Variants in CECR2 observed in about 807,000 individuals in gnomAD.
CECR2 encodes CECR2 histone acetyl-lysine reader, also known as chromatin remodeling regulator CECR2.
CECR2 carries 30 observed loss-of-function variants against 154.5 expected under a neutral mutation model. The ratio of observed to expected loss-of-function variants is 0.19; its 90% CI spans 0.15 to 0.26. The LOEUF (loss-of-function observed/expected upper bound fraction) is 0.26, where lower values mean the gene tolerates loss of function less well. Ranked by LOEUF, CECR2 falls within the 10% of genes least tolerant of loss-of-function variation. The pLI is 1.00. For missense variants in CECR2, 1,743 were observed against 1,829.3 expected, an observed-to-expected ratio of 0.95 and a Z score of 0.86; for synonymous variants, 725 against 683.7, an observed-to-expected ratio of 1.06 and a Z score of -0.94.
rs756767133 is a variant in CECR2, at chr22:17,548,544, C to G, written c.3257C>G (p.Thr1086Arg). The change falls in exon 17 of 19, where the codon ACG becomes AGG. Residue 1086 changes from threonine to arginine, a missense_variant. Physicochemically the swap from Thr to Arg is moderately conservative, Grantham distance 71. This residue lies in a region of CECR2 where 1,250 missense variants were observed against 1,192.1 expected (regional missense o/e 1.05). Coordinates refer to ENST00000262608, the MANE Select transcript of CECR2 (RefSeq NM_001290047.2). ...AAGCTGCTCTGCCCCAGAGGCAGAACGTTGCAGGAAACCATGCCATGCACG... is the reference window on the plus strand; with the variant it reads ...AAGCTGCTCTGCCCCAGAGGCAGAAGGTTGCAGGAAACCATGCCATGCACG... Reference protein sequence around the residue: ...SEKLLCPRGRTLQETMPCTGQ... With the variant: ...SEKLLCPRGRRLQETMPCTGQ... 4 of 1,613,640 alleles carry G rather than the reference C, an allele frequency of 2.5e-6. No homozygotes were observed. The African/African-American group carries it at 4.0e-5, about 16-fold the overall frequency.
In CECR2 at chr22:17,511,894, G is replaced by C; in HGVS notation, c.952G>C (p.Glu318Gln). The C allele has an allele frequency of 6.2e-7, 1 of 1,611,408 alleles. No individual in the cohort carries two copies. The highest frequency in any genetic ancestry group is 8.5e-7 in the Non-Finnish European group (1 of 1,178,272). The change falls in exon 8 of 19, where the codon GAG becomes CAG. Residue 318 changes from glutamate to glutamine, a missense_variant and splice_region_variant. Coordinates refer to ENST00000262608, the MANE Select transcript of CECR2 (RefSeq NM_001290047.2). ...DHLSIKPVKQ[E>Q]ETPVLTRIEK... ...CCTGTCCATCAAACCCGTCAAGCAAGAGGTGAGTGTGGGTGAGAGTAGCGA... is the reference window on the plus strand; with the variant it reads ...CCTGTCCATCAAACCCGTCAAGCAACAGGTGAGTGTGGGTGAGAGTAGCGA...
rs187346127 is a variant in CECR2 at position 17,536,621 on chromosome 22, C to T, written c.1109-482C>T. Among the ~76,000 whole-genome samples the T allele has an allele frequency of 5.9e-5, 9 of 152,286 alleles. No homozygotes were observed. In the East Asian group the frequency reaches 1.2e-3, roughly 20 times the overall value. On this transcript the variant is annotated intron_variant, in intron 9 of 18. Transcript: ENST00000262608. ...CATGGATGCCTTCATAAACGCAGAA[C>T]GGCAAGAGCTGGGACGTGCGTTTAA... is the stretch of plus-strand genomic sequence containing the variant.
At chr22:17,448,699 G>A (rs752342532) in intron 1 of CECR2, among the ~76,000 whole-genome samples, 2 of 151,970 alleles carry the variant, frequency 1.3e-5, no homozygotes, top group African/African-American at 4.8e-5. Flanking sequence ...TTAAGTCTAC[G>A]GTCTTTTGTG....
rs568949015 is a variant in CECR2 at position 17,487,515 on chromosome 22, C to T, written c.221+9833C>T. Among the ~76,000 whole-genome samples, 109 of 152,172 alleles carry T rather than the reference C, an allele frequency of 7.2e-4. 1 individual carries two copies. The highest frequency in any genetic ancestry group is 2.6e-3 in the African/African-American group (107 of 41,510). Reference sequence around the variant, plus strand: ...GAGATAGAGACCATCCTGGCTAACGCGGTGAAACCCCGTCTGTACTTAAAA... The same window carrying T: ...GAGATAGAGACCATCCTGGCTAACGTGGTGAAACCCCGTCTGTACTTAAAA... On this transcript the variant is annotated intron_variant, in intron 2 of 18. Coordinates refer to ENST00000262608, the MANE Select transcript of CECR2 (RefSeq NM_001290047.2).
intron 8 of CECR2, 26 bp from the exon 9 acceptor site, chr22:17,524,092 C>T (rs1388563711): frequency 1.2e-5 from 19 of 1,542,484 alleles, no homozygotes; most frequent in Admixed American, 9.6e-5. Context: ...GTGTACTGAC[C>T]GGATGTGCTC....
At chr22:17,452,886 C>T (rs1312249714) in intron 1 of CECR2, among the ~76,000 whole-genome samples, 1 of 152,108 alleles carries the variant, frequency 6.6e-6, no homozygotes, top group African/African-American at 2.4e-5. Flanking sequence ...ACATCTTACA[C>T]ACTTTTTAAA....
intron 1 of CECR2, among the ~76,000 whole-genome samples, chr22:17,432,590 T>C (rs1230280467): frequency 2.0e-5 from 3 of 152,208 alleles, no homozygotes; most frequent in Admixed American, 6.5e-5. Flanking sequence ...TCACCAGCAG[T>C]GTATGAGGAT....
At chr22:17,539,447 G>A (rs765046824) in intron 13 of CECR2, among the ~76,000 whole-genome samples, 6 of 152,118 alleles carry the variant, frequency 3.9e-5, no homozygotes, top group East Asian at 1.9e-4. Flanking sequence ...GGAAGCTGGC[G>A]TAGTAGATCT....
intron 2 of CECR2, among the ~76,000 whole-genome samples, chr22:17,480,279 A>G (rs2055284379): frequency 6.6e-6 from 1 of 152,170 alleles, no homozygotes; most frequent in Non-Finnish European, 1.5e-5. Flanking sequence ...TTAAAACCAC[A>G]AAAAGTGTAA....
rs548735636 is a variant in CECR2, at chr22:17,375,965, A to C, written c.126+6056A>C. Among the ~76,000 whole-genome samples the C allele has an allele frequency of 5.0e-3, 764 of 151,882 alleles. 11 individuals carry two copies. The highest frequency in any genetic ancestry group is 0.03 in the Admixed American group (460 of 15,258). On this transcript the variant is annotated intron_variant, in intron 1 of 18. Coordinates refer to ENST00000262608, the MANE Select transcript of CECR2 (RefSeq NM_001290047.2). ...GCGAGAGGGAGACTCTTATCTAAAA[A>C]AAAAAAAAAATAGTCCTTTGTCACA...
At chr22:17,510,994 T>G (rs2055939854) in intron 7 of CECR2, among the ~76,000 whole-genome samples, 1 of 152,206 alleles carries the variant, frequency 6.6e-6, no homozygotes, top group Admixed American at 6.5e-5. Context: ...CCACCCCTTC[T>G]TGTCATTTTC....
intron 1 of CECR2, among the ~76,000 whole-genome samples, chr22:17,381,879 C>T (rs1043398534): frequency 9.1e-5 from 13 of 143,372 alleles, no homozygotes; most frequent in African/African-American, 3.1e-4. Flanking sequence ...TCAGAGAGCC[C>T]CCACATTTTT....
intron 1 of CECR2, among the ~76,000 whole-genome samples, chr22:17,451,914 A>G (rs965820832): frequency 1.2e-4 from 19 of 152,184 alleles, no homozygotes; most frequent in Non-Finnish European, 1.2e-4. Flanking sequence ...TTTTAGCTTG[A>G]CAAAACAAAC....
Position 17,542,387 on chromosome 22 carries a change from T to C in CECR2, c.2244T>C (p.Phe748=), listed in dbSNP as rs543900264. 1.2e-4 allele frequency: 198 copies of C among 1,613,808 alleles called. 1 individual carries two copies. In the East Asian group the frequency reaches 3.9e-3, roughly 32 times the overall value. Residue 748 remains phenylalanine (F), a synonymous_variant, in exon 16 of 19, where the codon TTT becomes TTC. Transcript: ENST00000262608. ...HGGAPARPPD[F]PESSEIPPSH... is the part of the protein sequence containing the mutation. ...GGGCTCCAGCCCGGCCACCAGACTT[T>C]CCTGAAAGCTCAGAAATTCCTCCCA...
At chr22:17,546,839 G>T (rs2056621705) in intron 16 of CECR2, among the ~76,000 whole-genome samples, 1 of 151,926 alleles carries the variant, frequency 6.6e-6, no homozygotes, top group African/African-American at 2.4e-5. Flanking sequence ...GGGAGTTTGA[G>T]ACCAGCCTGG....
chr22:17,483,876 A>G (rs1397309203), intron 2 of CECR2, among the ~76,000 whole-genome samples: 1 of 152,238 alleles, frequency 6.6e-6, no homozygotes, highest in Non-Finnish European at 1.5e-5. Context: ...AGCTGCACTC[A>G]TGACAAGTGC....
chr22:17,548,816 C>T lies in CECR2; in HGVS notation c.3529C>T (p.Arg1177Cys), dbSNP rs1982094498. ...ACATTCTGGAGGCTTTCCCCGGTATCGCCCCCCACAAGGAATGAGGTATTC... is the reference window on the plus strand; with the variant it reads ...ACATTCTGGAGGCTTTCCCCGGTATTGCCCCCCACAAGGAATGAGGTATTC... The part of the protein sequence containing the change: ...HPHSGGFPRY[R>C]PPQGMRYSYH... The change falls in exon 17 of 19, where the codon CGC becomes TGC. Residue 1177 changes from arginine (R) to cysteine (C), a missense_variant. Around this residue, in one of 4 missense-constraint regions of CECR2, gnomAD observed 1,250 missense variants for 1,192.1 expected, o/e 1.05. Coordinates refer to ENST00000262608, the MANE Select transcript of CECR2 (RefSeq NM_001290047.2). 15 of 1,613,694 alleles carry T rather than the reference C, an allele frequency of 9.3e-6. No individual in the cohort carries two copies. The highest frequency in any genetic ancestry group is 1.6e-4 in the Middle Eastern group (1 of 6,062).
At chr22:17,377,537 C>A (rs1181639265) in intron 1 of CECR2, among the ~76,000 whole-genome samples, 1 of 151,866 alleles carries the variant, frequency 6.6e-6, no homozygotes, top group Non-Finnish European at 1.5e-5. Flanking sequence ...AGCTGGGACT[C>A]CAGGCACATG....
chr22:17,479,447 C>T (rs1173027075), intron 2 of CECR2, among the ~76,000 whole-genome samples: 1 of 152,158 alleles, frequency 6.6e-6, no homozygotes, highest in African/African-American at 2.4e-5. Context: ...GTAATTACAA[C>T]AGTAAGTGCT....
Sources: gnomAD v4.1 joint callset for allele counts (sites outside exome capture counted in the v4.1 genomes callset) on GRCh38, gnomAD v4.1.1 for gene constraint, gnomAD v4.1.1 regional missense constraint, MANE v1.5 for transcripts, NCBI Gene and HGNC (gene_info 2026-07-23, HGNC 2026-07-21) for gene names.